Variants in ITPR2 observed in about 807,000 individuals in gnomAD.
The protein encoded by ITPR2 is inositol 1,4,5-trisphosphate-gated calcium channel ITPR2.
In ITPR2, 207 loss-of-function variants were observed where a neutral mutation model predicts 317.1. The observed-to-expected ratio is 0.65, with a 90% CI of 0.58 to 0.73. ITPR2 has a LOEUF of 0.73. ITPR2 is among the 30% of genes least tolerant of loss of function. ITPR2 has a pLI of 0.00. For synonymous variants in ITPR2, 1,156 were observed against 1,149.1 expected (o/e 1.01, Z -0.12); for missense variants, 2,613 against 3,284.0 (o/e 0.80, Z 4.99).
At chr12:26,386,356 G>A (rs749421954) in intron 55 of ITPR2, among the ~76,000 whole-genome samples, 6 of 152,128 alleles carry the variant, frequency 3.9e-5, no homozygotes, top group Admixed American at 2.0e-4. Flanking sequence ...TAATAACAAA[G>A]CATGAAAAAT....
chr12:26,687,897 C>G (rs935101181), intron 10 of ITPR2, among the ~76,000 whole-genome samples: 3 of 151,950 alleles, frequency 2.0e-5, no homozygotes, highest in Admixed American at 6.5e-5. Context: ...AAAGGGTGAC[C>G]CTCATAACAG....
At chr12:26,557,960 T>G (rs978086569) in intron 35 of ITPR2, among the ~76,000 whole-genome samples, 9 of 152,208 alleles carry the variant, frequency 5.9e-5, no homozygotes, top group African/African-American at 2.2e-4. Context: ...ATTGTCACTC[T>G]TAGCTACAGA....
chr12:26,361,132 T>C (rs1938815303), intron 55 of ITPR2, among the ~76,000 whole-genome samples: 1 of 151,864 alleles, frequency 6.6e-6, no homozygotes, highest in South Asian at 2.1e-4. Context: ...GGAGAATCAC[T>C]TGAACCCAGG....
intron 55 of ITPR2, among the ~76,000 whole-genome samples, chr12:26,382,243 A>G (rs1322080986): frequency 2.0e-5 from 3 of 152,152 alleles, no homozygotes; most frequent in Non-Finnish European, 2.9e-5. Flanking sequence ...CATTTATTTT[A>G]TCAAACATGA....
At chr12:26,770,526 T>C (rs760093978) in intron 2 of ITPR2, among the ~76,000 whole-genome samples, 9 of 152,220 alleles carry the variant, frequency 5.9e-5, no homozygotes, top group Non-Finnish European at 8.8e-5. Context: ...GTATAGTTGG[T>C]AGCTAAGGGT....
At position 26,704,820 on chromosome 12, in the gene ITPR2, C is replaced by A. The variant is rs116262040; in HGVS notation, c.951+6353G>T. Reference sequence around the variant, plus strand: ...GGTTAAATATTTGCTTAAAGTCAGACAGATTGTAAACAGTATGCATGGGAT... The same window carrying A: ...GGTTAAATATTTGCTTAAAGTCAGAAAGATTGTAAACAGTATGCATGGGAT... On this transcript the variant is annotated intron_variant, in intron 9 of 56. Coordinates refer to ENST00000381340, the MANE Select transcript of ITPR2 (RefSeq NM_002223.4). Among the ~76,000 whole-genome samples the A allele has an allele frequency of 3.9e-3, 592 of 152,200 alleles. 1 individual carries two copies. Among genetic ancestry groups the A allele is most frequent in the African/African-American group, 0.014 (563 of 41,540 alleles).
chr12:26,660,854 T>C (rs1298646090), intron 15 of ITPR2, among the ~76,000 whole-genome samples: 2 of 152,024 alleles, frequency 1.3e-5, no homozygotes, highest in African/African-American at 4.8e-5. Context: ...ATATTAAATA[T>C]ATGGGTGAGT....
intron 1 of ITPR2, among the ~76,000 whole-genome samples, chr12:26,819,230 T>C (rs10771305): frequency 0.45 from 68,266 of 152,066 alleles, 15,811 homozygotes; most frequent in East Asian, 0.59. Context: ...TGTAACACTG[T>C]TACCAATGAA....
chr12:26,434,604 A>G (rs1005821823), intron 48 of ITPR2, among the ~76,000 whole-genome samples: 1 of 152,168 alleles, frequency 6.6e-6, no homozygotes. Flanking sequence ...TGAAGAAGGG[A>G]CATGCTTCTT....
chr12:26,670,544 A>T (rs968398826), intron 13 of ITPR2, among the ~76,000 whole-genome samples: 1 of 152,240 alleles, frequency 6.6e-6, no homozygotes, highest in Admixed American at 6.5e-5. Flanking sequence ...CCAAAAACCC[A>T]TCTGTACATC....
intron 41 of ITPR2, among the ~76,000 whole-genome samples, chr12:26,484,815 C>A (rs1942629232): frequency 6.6e-6 from 1 of 152,078 alleles, no homozygotes; most frequent in Admixed American, 6.5e-5. Context: ...GGGTTCACGC[C>A]ATTCTCCTGC....
At chr12:26,542,249 T>C (rs1319972818) in intron 37 of ITPR2, among the ~76,000 whole-genome samples, 2 of 152,258 alleles carry the variant, frequency 1.3e-5, no homozygotes, top group Non-Finnish European at 2.9e-5. Context: ...TGCTTTCCAG[T>C]ACACACTTAG....
intron 55 of ITPR2, among the ~76,000 whole-genome samples, chr12:26,373,212 A>AGAAATATTT (rs1939238679): frequency 6.6e-6 from 1 of 152,256 alleles, no homozygotes; most frequent in Admixed American, 6.5e-5. Context: ...CTTCATGTAA[A>AGAAATATTT]GAAATATTTT....
At chr12:26,656,245 G>T in intron 19 of ITPR2, 52 bp downstream of exon 19, 6 of 1,593,370 alleles carry the variant, frequency 3.8e-6, no homozygotes, top group Admixed American at 1.7e-5. Context: ...GACATTTGAC[G>T]TGGAGTTCAT....
intron 37 of ITPR2, among the ~76,000 whole-genome samples, chr12:26,497,788 G>A (rs902252284): frequency 6.7e-6 from 1 of 148,786 alleles, no homozygotes; most frequent in African/African-American, 2.5e-5. Context: ...TCAGCTCACT[G>A]CAACCTCCAC....
intron 2 of ITPR2, among the ~76,000 whole-genome samples, chr12:26,784,586 C>T (rs1235142270): frequency 2.0e-5 from 3 of 151,668 alleles, no homozygotes; most frequent in Non-Finnish European, 2.9e-5. Context: ...GCGAGTGATC[C>T]GCCAGCCTCG....
chr12:26,546,221 T>C (rs1178773743), intron 37 of ITPR2, among the ~76,000 whole-genome samples: 1 of 152,330 alleles, frequency 6.6e-6, no homozygotes, highest in South Asian at 2.1e-4. Flanking sequence ...ATTTGATGTG[T>C]CCATCACTCA....
intron 6 of ITPR2, 44 bp from the exon 7 acceptor site, chr12:26,715,879 A>G (rs192213583): frequency 3.5e-5 from 46 of 1,303,914 alleles, no homozygotes; most frequent in African/African-American, 2.8e-4. Context: ...TACAGATTCC[A>G]TTCTCTACCA....
At chr12:26,816,088 G>C (rs1458148244) in intron 1 of ITPR2, among the ~76,000 whole-genome samples, 1 of 88,516 alleles carries the variant, frequency 1.1e-5, no homozygotes, top group African/African-American at 4.2e-5. Context: ...GCAAGACTCC[G>C]TCTCAAAAAA....
Sources: gnomAD v4.1 joint callset for allele counts (sites outside exome capture counted in the v4.1 genomes callset) on GRCh38, gnomAD v4.1.1 for gene constraint, MANE v1.5 for transcripts, NCBI Gene and HGNC (gene_info 2026-07-23, HGNC 2026-07-21) for gene names.